The following NFIC variants were observed in gnomAD, a reference collection of about 807,000 sequenced individuals.
NFIC encodes nuclear factor I C.
Under a neutral mutation model 54.4 loss-of-function variants are expected in NFIC, and 12 were observed. The ratio of observed to expected loss-of-function variants is 0.22; its 90% CI spans 0.14 to 0.36. The LOEUF is 0.36. NFIC is among the 10% of genes least tolerant of loss of function. The probability of loss-of-function intolerance (pLI) is 1.00; values close to 1 mark genes in which losing one functional copy is unlikely to be tolerated. For synonymous variants in NFIC, 322 were observed against 319.2 expected (o/e 1.01, Z -0.09); for missense variants, 575 against 718.2 (o/e 0.80, Z 2.28).
intron 6 of NFIC, among the ~76,000 whole-genome samples, chr19:3,444,801 G>GCA (rs149444278): frequency 1.7e-4 from 26 of 151,772 alleles, no homozygotes; most frequent in South Asian, 4.2e-4. Context: ...GCCAGCCCCT[G>GCA]CACACACACA....
chr19:3,372,133 ACCT>A (rs2081031996), intron 1 of NFIC, among the ~76,000 whole-genome samples: 1 of 147,886 alleles, frequency 6.8e-6, no homozygotes, highest in Non-Finnish European at 1.5e-5. Context: ...CGATTCTCCT[ACCT>A]CAGCCTCCCA....
Position 3,462,817 on chromosome 19 carries a change from G to A in NFIC, c.*48G>A. 6.2e-7 allele frequency: 1 copy of A among 1,613,494 alleles called. No homozygotes were observed. Among genetic ancestry groups the A allele is most frequent in the Non-Finnish European group, 8.5e-7 (1 of 1,179,864 alleles). On this transcript the variant is annotated 3_prime_UTR_variant, in exon 11 of 11. Transcript: ENST00000443272. ...CTTCTCCATCGTCCCAGGAATCCCAGGGGGCAGCACAGCCGGCCCCCGGCC... is the reference window on the plus strand; with the variant it reads ...CTTCTCCATCGTCCCAGGAATCCCAAGGGGCAGCACAGCCGGCCCCCGGCC...
At chr19:3,387,521 G>A (rs2145492534) in intron 2 of NFIC, among the ~76,000 whole-genome samples, 1 of 151,984 alleles carries the variant, frequency 6.6e-6, no homozygotes, top group African/African-American at 2.4e-5. Context: ...AAATTAATAA[G>A]AAGAGGGTGT....
chr19:3,421,318 G>A (rs925946409), intron 2 of NFIC, among the ~76,000 whole-genome samples: 8 of 152,374 alleles, frequency 5.3e-5, no homozygotes, highest in Middle Eastern at 3.4e-3. Context: ...CTCTGGTTCC[G>A]GAAGAGGGTC....
intron 2 of NFIC, among the ~76,000 whole-genome samples, chr19:3,419,156 C>T (rs756125253): frequency 2.6e-5 from 4 of 151,940 alleles, no homozygotes; most frequent in South Asian, 2.1e-4. Flanking sequence ...AGGATGGTGG[C>T]GATGGCTGCA....
chr19:3,427,277 T>C (rs1415677709), intron 3 of NFIC, among the ~76,000 whole-genome samples: 1 of 152,148 alleles, frequency 6.6e-6, no homozygotes, highest in East Asian at 1.9e-4. Flanking sequence ...AGGAAGTTAG[T>C]GATTGCCTAT....
In NFIC at chr19:3,418,749, G is replaced by A. The variant is rs1018054166; in HGVS notation, c.563-6357G>A. ...AGCCTGTAGTCCCAGCTACTCAGGA[G>A]GCTGAGGCAGAAGATTTGGTTGAAA... On this transcript the variant is annotated intron_variant, in intron 2 of 10. Coordinates refer to ENST00000443272, the MANE Select transcript of NFIC (RefSeq NM_001245002.2). 3.9e-5 allele frequency among the ~76,000 whole-genome samples: 6 copies of A among 152,154 alleles called. No individual in the cohort carries two copies. The East Asian group carries it at 1.2e-3, about 29-fold the overall frequency.
Position 3,465,178 on chromosome 19 carries a change from A to G in NFIC, c.*2409A>G, listed in dbSNP as rs2392709. Reference sequence around the variant, plus strand: ...AAAAAAAAAAAAAAAAAAAAAAGATACAAGAAAAACCTTTAAAAAAATTCC... The same window carrying G: ...AAAAAAAAAAAAAAAAAAAAAAGATGCAAGAAAAACCTTTAAAAAAATTCC... On this transcript the variant is annotated 3_prime_UTR_variant, in exon 11 of 11. Transcript: ENST00000443272. The G allele has an allele frequency of 2.8e-5, 4 of 143,750 alleles. No homozygotes were observed. Among genetic ancestry groups the G allele is most frequent in the Admixed American group, 7.0e-5 (1 of 14,358 alleles). 8.9% of individuals were successfully genotyped at this position (143,750 alleles called of 1,614,324 possible).
intron 2 of NFIC, among the ~76,000 whole-genome samples, chr19:3,389,610 G>A (rs749660929): frequency 6.6e-6 from 1 of 152,092 alleles, no homozygotes; most frequent in Non-Finnish European, 1.5e-5. Context: ...CTGTAGAATG[G>A]GGAGAATCAG....
rs2082487496 is a variant in NFIC at position 3,452,739 on chromosome 19, C to G, written c.1269+73C>G. On this transcript the variant is annotated intron_variant, in intron 8 of 10. Transcript: ENST00000443272. This position sits in a 1 kb window ranked among gnomAD's most constrained non-coding sequence, Gnocchi z 5.3. Reference sequence around the variant, plus strand: ...ACCTCCCGGGGGCCACGTGCTCACACGAAGGCACAACCTCTGCTTAAAAGG... The same window carrying G: ...ACCTCCCGGGGGCCACGTGCTCACAGGAAGGCACAACCTCTGCTTAAAAGG... The G allele has an allele frequency of 2.1e-5, 31 of 1,499,324 alleles. No homozygotes were observed. The highest frequency in any genetic ancestry group is 6.2e-5 in the Admixed American group (3 of 48,710). 92.9% of individuals were successfully genotyped at this position (1,499,324 alleles called of 1,614,324 possible).
At chr19:3,454,215 A>G (rs1436037295) in intron 9 of NFIC, 2 of 1,214,100 alleles carry the variant, frequency 1.6e-6, no homozygotes, top group African/African-American at 1.6e-5. Flanking sequence ...CCTCCCTGGT[A>G]TGTCAGGCAG....
At chr19:3,363,240 T>TGTGTGTGC (rs1352352284), upstream of NFIC, among the ~76,000 whole-genome samples, 3 of 54,352 alleles carry the variant, frequency 5.5e-5, no homozygotes, top group African/African-American at 3.2e-4. Flanking sequence ...TGTATGTGTG[T>TGTGTGTGC]GTATATATAT....
At chr19:3,451,280 G>A (rs1370522821) in intron 7 of NFIC, among the ~76,000 whole-genome samples, 1 of 152,166 alleles carries the variant, frequency 6.6e-6, no homozygotes, top group Non-Finnish European at 1.5e-5. Context: ...GGATGTATGG[G>A]TGCTGGGGCT....
chr19:3,382,964 CT>C (rs2145479335), intron 2 of NFIC, among the ~76,000 whole-genome samples: 1 of 151,722 alleles, frequency 6.6e-6, no homozygotes, highest in South Asian at 2.1e-4. Flanking sequence ...GGCAGGTGGG[CT>C]GTGGCGCTCC....
At position 3,449,146 on chromosome 19, in the gene NFIC, G is replaced by A. The variant is rs199680655; in HGVS notation, c.1084+7G>A. 2.5e-5 allele frequency: 40 copies of A among 1,608,030 alleles called. No individual in the cohort carries two copies. The highest frequency in any genetic ancestry group is 2.0e-4 in the South Asian group (18 of 90,532). ...GTCATCGCCGTGCACAGCGGTAAGCGCCACGGGCCCCTGGCGGGGAGGGGC... is the reference window on the plus strand; with the variant it reads ...GTCATCGCCGTGCACAGCGGTAAGCACCACGGGCCCCTGGCGGGGAGGGGC... On this transcript the variant is annotated splice_region_variant and intron_variant, in intron 7 of 10. Transcript: ENST00000443272.
intron 2 of NFIC, among the ~76,000 whole-genome samples, chr19:3,392,561 C>T (rs988289991): frequency 2.0e-5 from 3 of 152,314 alleles, no homozygotes; most frequent in Middle Eastern, 3.4e-3. Flanking sequence ...CTCATTCACC[C>T]GGGTGGGGCC....
At chr19:3,418,772 A>G (rs1441689953) in intron 2 of NFIC, among the ~76,000 whole-genome samples, 1 of 152,194 alleles carries the variant, frequency 6.6e-6, no homozygotes, top group Non-Finnish European at 1.5e-5. Context: ...GATTTGGTTG[A>G]AACCAAGAGA....
chr19:3,427,157 AC>A, intron 3 of NFIC, among the ~76,000 whole-genome samples: 1 of 151,450 alleles, frequency 6.6e-6, no homozygotes, highest in East Asian at 2.0e-4. Flanking sequence ...CGATCTCCTG[AC>A]CCTGTGATGC....
chr19:3,452,756 CT>C lies in NFIC; in HGVS notation c.1269+92del. ...TGCTCACACGAAGGCACAACCTCTGCTTAAAAGGGTCTTGAGGACTTGGCTC... is the reference window on the plus strand; with the variant it reads ...TGCTCACACGAAGGCACAACCTCTGCTAAAAGGGTCTTGAGGACTTGGCTC... On this transcript the variant is annotated intron_variant, in intron 8 of 10. Coordinates refer to ENST00000443272, the MANE Select transcript of NFIC (RefSeq NM_001245002.2). The surrounding 1 kb of genome is among the most constrained non-coding windows in gnomAD (Gnocchi z 5.3). 6.9e-7 allele frequency: 1 copy of C among 1,446,720 alleles called. No homozygotes were observed. Among genetic ancestry groups the C allele is most frequent in the Non-Finnish European group, 9.3e-7 (1 of 1,081,062 alleles). 89.6% of individuals were successfully genotyped at this position (1,446,720 alleles called of 1,614,324 possible).
Sources: gnomAD v4.1 joint callset for allele counts (sites outside exome capture counted in the v4.1 genomes callset) on GRCh38, gnomAD v4.1.1 for gene constraint, Gnocchi (gnomAD v3.1) non-coding constraint, MANE v1.5 for transcripts, NCBI Gene and HGNC (gene_info 2026-07-23, HGNC 2026-07-21) for gene names.